The following DMRTA1 variants were observed in gnomAD, a reference collection of about 807,000 sequenced individuals.
DMRTA1 encodes the protein doublesex- and mab-3-related transcription factor A1.
In DMRTA1, 34 loss-of-function variants were observed where a neutral mutation model predicts 35.2. The ratio of observed to expected loss-of-function variants is 0.97; its 90% CI spans 0.74 to 1.29. The LOEUF (loss-of-function observed/expected upper bound fraction) is 1.29. DMRTA1 is among the 50% of genes most tolerant of loss of function. The pLI, the probability that DMRTA1 is intolerant of heterozygous loss-of-function variation, is 0.00. For synonymous variants in DMRTA1, 344 were observed against 276.6 expected, an observed-to-expected ratio of 1.24 and a Z score of -2.42; for missense variants, 824 against 644.6, an observed-to-expected ratio of 1.28 and a Z score of -3.01.
Position 22,447,351 on chromosome 9 carries a change from A to G in DMRTA1, c.286A>G (p.Lys96Glu). The G allele has an allele frequency of 1.3e-6, 2 of 1,533,930 alleles. No homozygotes were observed. The highest frequency in any genetic ancestry group is 2.7e-5 in the East Asian group (1 of 37,592). Reference protein sequence around the residue: ...AVGCGYPRTPKCARCRNHGVV... With the variant: ...AVGCGYPRTPECARCRNHGVV... The stretch of plus-strand genomic sequence containing the variant: ...GGGCTGCGGCTACCCGCGGACGCCC[A>G]AGTGCGCCCGCTGTCGTAACCATGG... The change falls in exon 1 of 2, where the codon AAG (lysine) becomes GAG (glutamate). Residue 96 changes from lysine to glutamate, a missense_variant. Transcript: ENST00000325870.
rs753890033 is a variant in DMRTA1, at chr9:22,452,746, C to A, written c.*835C>A. Reference sequence around the variant, plus strand: ...ATTAAAATTTCCATACTGTAAAGTGCACATCTACTGTGGATGAGAGTTGCA... The same window carrying A: ...ATTAAAATTTCCATACTGTAAAGTGAACATCTACTGTGGATGAGAGTTGCA... On this transcript the variant is annotated 3_prime_UTR_variant, in exon 2 of 2. Coordinates refer to ENST00000325870, the MANE Select transcript of DMRTA1 (RefSeq NM_022160.3). 1.3e-5 allele frequency: 2 copies of A among 151,992 alleles called. No homozygotes were observed. Among genetic ancestry groups the A allele is most frequent in the Non-Finnish European group, 2.9e-5 (2 of 67,964 alleles). 9.4% of individuals were successfully genotyped at this position (151,992 alleles called of 1,614,324 possible). A position where few individuals can be genotyped will look rare whatever the true frequency, so the allele number is the denominator to read the frequency against.
Position 22,453,313 on chromosome 9 carries a change from A to G in DMRTA1, c.*1402A>G, listed in dbSNP as rs1333885725. The G allele has an allele frequency of 6.6e-6, 1 of 152,268 alleles. No individual in the cohort carries two copies. The highest frequency in any genetic ancestry group is 1.9e-4 in the East Asian group (1 of 5,186). 9.4% of individuals were successfully genotyped at this position (152,268 alleles called of 1,614,324 possible). A position where few individuals can be genotyped will look rare whatever the true frequency, so the allele number is the denominator to read the frequency against. ...CATCTATATGCACATATATAAGTCT[A>G]TGTAGACATACATTAAACCCCTATA... On this transcript the variant is annotated 3_prime_UTR_variant, in exon 2 of 2. Coordinates refer to ENST00000325870, the MANE Select transcript of DMRTA1 (RefSeq NM_022160.3).
intron 1 of DMRTA1, 35 bp from the exon 2 acceptor site, chr9:22,451,029 C>G: frequency 2.5e-6 from 4 of 1,580,688 alleles, no homozygotes; most frequent in Non-Finnish European, 3.4e-6. Context: ...GGAAGTCTTC[C>G]CTGTATTTGA....
Position 22,452,041 on chromosome 9 carries a change from GGTT to G in DMRTA1, c.*131_*133del. ...TGGATTATGAGGTCTTAAAATGCTG[GGTT>G]TTTTTTTTTTCAAGCAATATAATAG... is the stretch of plus-strand genomic sequence containing the variant. On this transcript the variant is annotated 3_prime_UTR_variant, in exon 2 of 2. Transcript: ENST00000325870. 1 of 945,708 alleles carries G rather than the reference GGTT, an allele frequency of 1.1e-6. No homozygotes were observed. The highest frequency in any genetic ancestry group is 1.4e-6 in the Non-Finnish European group (1 of 712,948). 58.6% of individuals were successfully genotyped at this position (945,708 alleles called of 1,614,324 possible).
chr9:22,453,301 A>C lies in DMRTA1; in HGVS notation c.*1390A>C, dbSNP rs1452782080. ...TATGTGTGTATGCATCTATATGCAC[A>C]TATATAAGTCTATGTAGACATACAT... On this transcript the variant is annotated 3_prime_UTR_variant, in exon 2 of 2. Coordinates refer to ENST00000325870, the MANE Select transcript of DMRTA1 (RefSeq NM_022160.3). 6.6e-6 allele frequency: 1 copy of C among 152,132 alleles called. No individual in the cohort carries two copies. The highest frequency in any genetic ancestry group is 1.5e-5 in the Non-Finnish European group (1 of 67,960). 9.4% of individuals were successfully genotyped at this position (152,132 alleles called of 1,614,324 possible). A position where few individuals can be genotyped will look rare whatever the true frequency, so the allele number is the denominator to read the frequency against.
intron 1 of DMRTA1, among the ~76,000 whole-genome samples, chr9:22,449,170 G>A (rs1818885717): frequency 6.6e-6 from 1 of 152,184 alleles, no homozygotes; most frequent in Admixed American, 6.5e-5. Flanking sequence ...TTTCTAAATT[G>A]ACTGGTTCTC....
rs371769774 is a variant in DMRTA1, at chr9:22,451,496, A to G, written c.1100A>G (p.Lys367Arg). ...GCCATTGAACAGGTTTTAAATGGCA[A>G]AGAACACAAGCCAGACAACAGGAAC... is the stretch of plus-strand genomic sequence containing the variant. ...VQAIEQVLNG[K>R]EHKPDNRNLA... Residue 367 changes from lysine to arginine, a missense_variant, in exon 2 of 2, where the codon AAA becomes AGA. By Grantham distance (26) the Lys-to-Arg change is conservative (BLOSUM62 2). Transcript: ENST00000325870. 3.7e-6 allele frequency: 6 copies of G among 1,614,196 alleles called. No homozygotes were observed. Among genetic ancestry groups the G allele is most frequent in the Non-Finnish European group, 4.2e-6 (5 of 1,179,998 alleles).
At chr9:22,449,189 T>A (rs1256087666) in intron 1 of DMRTA1, among the ~76,000 whole-genome samples, 1 of 152,178 alleles carries the variant, frequency 6.6e-6, no homozygotes, top group African/African-American at 2.4e-5. Context: ...TCTTACACAA[T>A]AGCCATGAAC....
Position 22,451,685 on chromosome 9 carries a change from C to G in DMRTA1, c.1289C>G (p.Pro430Arg), listed in dbSNP as rs942055397. ...GGDSSLYGVN[P>R]RVGISPLRLA... Reference sequence around the variant, plus strand: ...GATTCAAGTCTCTACGGCGTAAATCCTAGAGTAGGTATCAGTCCATTAAGG... The same window carrying G: ...GATTCAAGTCTCTACGGCGTAAATCGTAGAGTAGGTATCAGTCCATTAAGG... Residue 430 changes from proline to arginine, a missense_variant, in exon 2 of 2, where the codon CCT (proline) becomes CGT (arginine). By Grantham distance (103) the Pro-to-Arg change is moderately radical (BLOSUM62 -2). Coordinates refer to ENST00000325870, the MANE Select transcript of DMRTA1 (RefSeq NM_022160.3). 1 of 1,613,928 alleles carries G rather than the reference C, an allele frequency of 6.2e-7. No homozygotes were observed.
Position 22,455,661 on chromosome 9 carries a change from C to T in DMRTA1, c.*3750C>T, listed in dbSNP as rs1472353474. Reference sequence around the variant, plus strand: ...GGTTGTTCATTTCATAGGCGAGCCACGTGTTTTGTAACATATTCTCGTATA... The same window carrying T: ...GGTTGTTCATTTCATAGGCGAGCCATGTGTTTTGTAACATATTCTCGTATA... On this transcript the variant is annotated 3_prime_UTR_variant, in exon 2 of 2. Transcript: ENST00000325870. 6.6e-6 allele frequency: 1 copy of T among 152,030 alleles called. No individual in the cohort carries two copies. Among genetic ancestry groups the T allele is most frequent in the Non-Finnish European group, 1.5e-5 (1 of 68,024 alleles). The allele number at this position is 152,030 out of a possible 1,614,324, so 9.4% of individuals were successfully genotyped here. A position where few individuals can be genotyped will look rare whatever the true frequency, so the allele number is the denominator to read the frequency against.
intron 1 of DMRTA1, 79 bp downstream of exon 1, chr9:22,447,811 A>G: frequency 6.5e-7 from 1 of 1,547,118 alleles, no homozygotes; most frequent in Non-Finnish European, 8.9e-7. Flanking sequence ...CACCGTGTCC[A>G]TAGGCGGGCA....
chr9:22,449,369 G>C (rs1285183624), intron 1 of DMRTA1, among the ~76,000 whole-genome samples: 30 of 152,156 alleles, frequency 2.0e-4, no homozygotes, highest in Non-Finnish European at 1.5e-5. Flanking sequence ...AAATGCAATA[G>C]AAGTAAAGCA....
rs1323274398 is a variant in DMRTA1 at position 22,452,915 on chromosome 9, G to C, written c.*1004G>C. On this transcript the variant is annotated 3_prime_UTR_variant, in exon 2 of 2. Transcript: ENST00000325870. ...CTCAAATAAATATTTATTAACTGCA[G>C]ATAGTTGATGCTTAATGCACTGAGG... 2.6e-5 allele frequency: 4 copies of C among 152,060 alleles called. No individual in the cohort carries two copies. Among genetic ancestry groups the C allele is most frequent in the Non-Finnish European group, 5.9e-5 (4 of 67,954 alleles). 9.4% of individuals were successfully genotyped at this position (152,060 alleles called of 1,614,324 possible).
chr9:22,454,525 C>CA lies in DMRTA1; in HGVS notation c.*2619dup, dbSNP rs1021270816. 13 of 152,110 alleles carry CA rather than the reference C, an allele frequency of 8.5e-5. No homozygotes were observed. The highest frequency in any genetic ancestry group is 2.9e-4 in the African/African-American group (12 of 41,424). The allele number at this position is 152,110 out of a possible 1,614,324, so 9.4% of individuals were successfully genotyped here. A position where few individuals can be genotyped will look rare whatever the true frequency, so the allele number is the denominator to read the frequency against. On this transcript the variant is annotated 3_prime_UTR_variant, in exon 2 of 2. Coordinates refer to ENST00000325870, the MANE Select transcript of DMRTA1 (RefSeq NM_022160.3). The stretch of plus-strand genomic sequence containing the variant: ...TTGCTCACGGTCTATATTGTGTGTA[C>CA]AAAAACAACCAATCAACCAATGTTG...
chr9:22,446,973 C>A lies in DMRTA1; in HGVS notation c.-93C>A, dbSNP rs1587667813. The A allele has an allele frequency of 2.0e-6, 3 of 1,480,880 alleles. No individual in the cohort carries two copies. The highest frequency in any genetic ancestry group is 2.7e-6 in the Non-Finnish European group (3 of 1,099,104). 91.7% of individuals were successfully genotyped at this position (1,480,880 alleles called of 1,614,324 possible). ...CGGGTGGAGCTCAGTAGGACCACGG[C>A]GCGTCCTGCCCCGGCTTCCCCAGCC... On this transcript the variant is annotated 5_prime_UTR_variant, in exon 1 of 2. Coordinates refer to ENST00000325870, the MANE Select transcript of DMRTA1 (RefSeq NM_022160.3).
At position 22,446,961 on chromosome 9, in the gene DMRTA1, G is replaced by A; in HGVS notation, c.-105G>A. 9.0e-6 allele frequency: 13 copies of A among 1,439,272 alleles called. No individual in the cohort carries two copies. Among genetic ancestry groups the A allele is most frequent in the Non-Finnish European group, 1.1e-5 (12 of 1,066,018 alleles). 89.2% of individuals were successfully genotyped at this position (1,439,272 alleles called of 1,614,324 possible). A position where few individuals can be genotyped will look rare whatever the true frequency, so the allele number is the denominator to read the frequency against. On this transcript the variant is annotated 5_prime_UTR_variant, in exon 1 of 2. Transcript: ENST00000325870. ...TTTGTCCGTGCGCGGGTGGAGCTCA[G>A]TAGGACCACGGCGCGTCCTGCCCCG...
At position 22,451,803 on chromosome 9, in the gene DMRTA1, T is replaced by C. The variant is rs779698916; in HGVS notation, c.1407T>C (p.Ala469=). The change falls in exon 2 of 2, where the codon GCT becomes GCC. Residue 469 remains alanine, a synonymous_variant. Transcript: ENST00000325870. ...GLVPTLPFRP[A]LDYAFSGMIR... ...TACCAACCTTACCTTTTCGGCCAGC[T>C]TTGGATTATGCCTTTTCAGGGATGA... 1.9e-6 allele frequency: 3 copies of C among 1,614,094 alleles called. No homozygotes were observed.
chr9:22,448,730 A>G lies in DMRTA1; in HGVS notation c.667+998A>G, dbSNP rs116181249. ...TGAATTATGAAAATTGCAGATCTCA[A>G]CAGATTTTTTCGCTCAATGGCTGCT... On this transcript the variant is annotated intron_variant, in intron 1 of 1. Transcript: ENST00000325870. Among the ~76,000 whole-genome samples, 1,135 of 152,334 alleles carry G rather than the reference A, an allele frequency of 7.5e-3. 16 individuals carry two copies. Among genetic ancestry groups the G allele is most frequent in the African/African-American group, 0.026 (1,079 of 41,556 alleles).
intron 1 of DMRTA1, among the ~76,000 whole-genome samples, chr9:22,450,427 G>A (rs1039884961): frequency 1.2e-4 from 18 of 152,084 alleles, no homozygotes; most frequent in African/African-American, 4.1e-4. Flanking sequence ...AAATATGCAA[G>A]CTCTAGTATG....
Sources: gnomAD v4.1 joint callset for allele counts (sites outside exome capture counted in the v4.1 genomes callset) on GRCh38, gnomAD v4.1.1 for gene constraint, MANE v1.5 for transcripts, NCBI Gene and HGNC (gene_info 2026-07-23, HGNC 2026-07-21) for gene names.